XPNPEP3: variants seen among roughly 807,000 people sequenced by gnomAD.
XPNPEP3 encodes the protein X-prolyl aminopeptidase 3.
A neutral mutation model predicts 60.0 loss-of-function variants in XPNPEP3; 41 were observed. The observed-to-expected ratio is 0.68, with a 90% CI of 0.53 to 0.89. The LOEUF is 0.89. Among genes scored for constraint, XPNPEP3 ranks in the 40% least tolerant of loss-of-function variants. The pLI is 0.00. For synonymous variants in XPNPEP3, 212 were observed against 223.2 expected, an observed-to-expected ratio of 0.95 and a Z score of 0.45; for missense variants, 598 against 638.9, an observed-to-expected ratio of 0.94 and a Z score of 0.69.
chr22:40,906,784 A>G (rs528679376), intron 4 of XPNPEP3, among the ~76,000 whole-genome samples: 63 of 152,342 alleles, frequency 4.1e-4, no homozygotes, highest in African/African-American at 1.5e-3. Context: ...CTGAGATTGG[A>G]TAATTTATAA....
At chr22:40,898,264 T>TTTTTTTTTTTG (rs2058117485) in intron 4 of XPNPEP3, among the ~76,000 whole-genome samples, 1 of 94,304 alleles carries the variant, frequency 1.1e-5, no homozygotes, top group Non-Finnish European at 1.9e-5. Context: ...TTTTTTTTTT[T>TTTTTTTTTTTG]GAGACGGAGT....
chr22:40,872,416 T>C (rs755400911), intron 2 of XPNPEP3, among the ~76,000 whole-genome samples: 112 of 152,090 alleles, frequency 7.4e-4, no homozygotes, highest in Non-Finnish European at 1.3e-3. Flanking sequence ...AATGATTCCA[T>C]GTAGGAAGGC....
intron 7 of XPNPEP3, chr22:40,917,371 A>G (rs2058199909): frequency 6.6e-6 from 1 of 152,144 alleles, no homozygotes; most frequent in Non-Finnish European, 1.5e-5. Context: ...ACAGAGCAAG[A>G]CCCCATCTGT....
rs117144578 is a variant in XPNPEP3 at position 40,879,230 on chromosome 22, G to C, written c.182-2540G>C. On this transcript the variant is annotated intron_variant, in intron 2 of 9. Transcript: ENST00000357137. ...TTCTTGGCCCCATTTTGTTGCTTCAGCTGCTTCACATTGGCCCGTAAGGCC... is the reference window on the plus strand; with the variant it reads ...TTCTTGGCCCCATTTTGTTGCTTCACCTGCTTCACATTGGCCCGTAAGGCC... Among the ~76,000 whole-genome samples the C allele has an allele frequency of 6.5e-3, 993 of 152,272 alleles. 7 individuals are homozygous for C. The highest frequency in any genetic ancestry group is 0.011 in the Non-Finnish European group (723 of 68,014).
chr22:40,871,624 G>A (rs2058006215), intron 2 of XPNPEP3, among the ~76,000 whole-genome samples: 1 of 152,076 alleles, frequency 6.6e-6, no homozygotes, highest in Non-Finnish European at 1.5e-5. Flanking sequence ...CTGTTGAGAG[G>A]ATTTTGGTAT....
At chr22:40,878,066 C>T (rs769045699) in intron 2 of XPNPEP3, among the ~76,000 whole-genome samples, 3 of 151,986 alleles carry the variant, frequency 2.0e-5, no homozygotes, top group South Asian at 2.1e-4. Context: ...ATTAGCCGGG[C>T]GTGGTGGCAC....
In XPNPEP3 at chr22:40,931,587, A is replaced by T. The variant is rs1425683614; in HGVS notation, c.*5152A>T. 3 of 152,050 alleles carry T rather than the reference A, an allele frequency of 2.0e-5. No individual in the cohort carries two copies. Among genetic ancestry groups the T allele is most frequent in the Non-Finnish European group, 2.9e-5 (2 of 68,052 alleles). 9.4% of individuals were successfully genotyped at this position (152,050 alleles called of 1,614,324 possible). On this transcript the variant is annotated 3_prime_UTR_variant, in exon 10 of 10. Coordinates refer to ENST00000357137, the MANE Select transcript of XPNPEP3 (RefSeq NM_022098.4). The stretch of plus-strand genomic sequence containing the variant: ...AAGTTAGCCAGGTGTGGTGGTTTGC[A>T]CCTATAGTCCCAGCTACTCAGGAGG...
At chr22:40,862,329 G>C in intron 1 of XPNPEP3, 1 of 1,030,042 alleles carries the variant, frequency 9.7e-7, no homozygotes, top group Non-Finnish European at 1.2e-6. Flanking sequence ...TTCAGGCAGT[G>C]CCTCATAAGC....
intron 4 of XPNPEP3, among the ~76,000 whole-genome samples, chr22:40,903,453 G>A (rs1210134018): frequency 6.6e-6 from 1 of 151,396 alleles, no homozygotes; most frequent in Non-Finnish European, 1.5e-5. Flanking sequence ...ACTTAAACAA[G>A]TGTGATGGAC....
chr22:40,897,510 T>C (rs1019554896), intron 4 of XPNPEP3, among the ~76,000 whole-genome samples: 2 of 151,940 alleles, frequency 1.3e-5, no homozygotes, highest in African/African-American at 4.8e-5. Flanking sequence ...TGTTTTTTTT[T>C]TTCTTTTTTT....
chr22:40,932,070 T>G lies in XPNPEP3; in HGVS notation c.*5635T>G, dbSNP rs1314989015. ...GAAGCACAAATGCTGCTTCTCCCCC[T>G]CCTGTTCCCATGTCAGAGATGGAGA... On this transcript the variant is annotated 3_prime_UTR_variant, in exon 10 of 10. Transcript: ENST00000357137. The G allele has an allele frequency of 6.6e-6, 1 of 152,172 alleles. No homozygotes were observed. Among genetic ancestry groups the G allele is most frequent in the South Asian group, 2.1e-4 (1 of 4,830 alleles). 9.4% of individuals were successfully genotyped at this position (152,172 alleles called of 1,614,324 possible).
intron 4 of XPNPEP3, among the ~76,000 whole-genome samples, chr22:40,901,233 G>T (rs1342622501): frequency 7.9e-5 from 3 of 38,040 alleles, no homozygotes; most frequent in African/African-American, 1.1e-4. Context: ...AATATTTAAA[G>T]AACTTTTTTT....
intron 7 of XPNPEP3, among the ~76,000 whole-genome samples, chr22:40,916,224 G>A (rs2058195589): frequency 6.6e-6 from 1 of 151,894 alleles, no homozygotes; most frequent in Admixed American, 6.6e-5. Context: ...CCGGGAAAGG[G>A]GAGGTTGCAG....
intron 7 of XPNPEP3, among the ~76,000 whole-genome samples, chr22:40,921,486 T>TAAA (rs1271058960): frequency 2.9e-5 from 3 of 103,930 alleles, no homozygotes; most frequent in African/African-American, 7.0e-5. Context: ...ACCTTGTCTC[T>TAAA]AAAAAAAAAA....
chr22:40,882,947 G>C (rs1033575897), intron 3 of XPNPEP3, among the ~76,000 whole-genome samples: 3 of 152,154 alleles, frequency 2.0e-5, no homozygotes, highest in African/African-American at 7.2e-5. Flanking sequence ...GGATAAGCCA[G>C]ACACAGTGGT....
chr22:40,907,500 T>C, intron 4 of XPNPEP3, 87 bp from the exon 5 acceptor site: 1 of 1,368,408 alleles, frequency 7.3e-7, no homozygotes, highest in East Asian at 2.3e-5. Context: ...GAAAAGGTGC[T>C]TTTCATTTGA....
chr22:40,918,576 C>CA (rs1259151732), intron 7 of XPNPEP3, among the ~76,000 whole-genome samples: 2 of 151,796 alleles, frequency 1.3e-5, no homozygotes, highest in Non-Finnish European at 2.9e-5. Context: ...CCCAGCTACT[C>CA]AGGTGGCTGA....
At chr22:40,914,450 G>A (rs2058188085) in intron 7 of XPNPEP3, 126 bp downstream of exon 7, 1 of 752,138 alleles carries the variant, frequency 1.3e-6, no homozygotes. Flanking sequence ...AGGTTGCAAA[G>A]CTCCTTATTA....
intron 7 of XPNPEP3, among the ~76,000 whole-genome samples, chr22:40,920,702 T>G (rs1312827474): frequency 1.3e-5 from 2 of 152,206 alleles, no homozygotes; most frequent in Non-Finnish European, 2.9e-5. Context: ...ACTGTGTTCC[T>G]TCTACCATTA....
Sources: allele counts gnomAD v4.1 joint callset (sites outside exome capture counted in the v4.1 genomes callset), GRCh38; gene constraint gnomAD v4.1.1; transcripts MANE v1.5; gene names NCBI Gene and HGNC (gene_info 2026-07-23, HGNC 2026-07-21).